DAB1: variants seen among roughly 807,000 people sequenced by gnomAD.
DAB1 encodes the protein disabled homolog 1.
Under a neutral mutation model 64.6 loss-of-function variants are expected in DAB1, and 15 were observed. The observed-to-expected ratio is 0.23, with a 90% CI of 0.16 to 0.36. The LOEUF (loss-of-function observed/expected upper bound fraction) is 0.36, where lower values mean the gene tolerates loss of function less well. Ranked by LOEUF, DAB1 falls within the 10% of genes least tolerant of loss-of-function variation. The probability of loss-of-function intolerance (pLI) is 1.00; values close to 1 mark genes in which losing one functional copy is unlikely to be tolerated. For missense variants in DAB1, 596 were observed against 706.7 expected, an observed-to-expected ratio of 0.84 and a Z score of 1.78; for synonymous variants, 235 against 251.9, an observed-to-expected ratio of 0.93 and a Z score of 0.64.
intron 7 of DAB1, among the ~76,000 whole-genome samples, chr1:57,649,319 TA>T (rs982327918): frequency 1.3e-5 from 2 of 152,082 alleles, no homozygotes. Flanking sequence ...CAGGAAAACC[TA>T]AGGATCCTGA....
At chr1:57,183,182 C>A (rs534689227) in intron 2 of DAB1, among the ~76,000 whole-genome samples, 1 of 152,166 alleles carries the variant, frequency 6.6e-6, no homozygotes, top group African/African-American at 2.4e-5. Flanking sequence ...GAGCCTGAAA[C>A]TGACGGGGAA....
At chr1:57,315,108 G>T (rs1336559104) in intron 1 of DAB1, among the ~76,000 whole-genome samples, 1 of 152,042 alleles carries the variant, frequency 6.6e-6, no homozygotes, top group African/African-American at 2.4e-5. Flanking sequence ...TTCTGCTTCA[G>T]GGTCTTTGCA....
intron 5 of DAB1, among the ~76,000 whole-genome samples, chr1:58,041,420 G>A (rs1435143503): frequency 6.6e-6 from 1 of 152,118 alleles, no homozygotes; most frequent in Non-Finnish European, 1.5e-5. Flanking sequence ...TCTCATAAGA[G>A]CCAGGCTTAT....
chr1:58,234,090 A>G (rs1048005408), intron 4 of DAB1, among the ~76,000 whole-genome samples: 1 of 152,198 alleles, frequency 6.6e-6, no homozygotes, highest in Non-Finnish European at 1.5e-5. Context: ...ACATAATGAG[A>G]AAAATAAAGG....
chr1:57,664,763 T>C (rs1646426827), intron 6 of DAB1, among the ~76,000 whole-genome samples: 1 of 151,958 alleles, frequency 6.6e-6, no homozygotes, highest in Non-Finnish European at 1.5e-5. Context: ...AGCCATTAAG[T>C]GATAATAAAG....
chr1:58,495,109 G>A (rs555620179), intron 3 of DAB1, among the ~76,000 whole-genome samples: 36 of 152,276 alleles, frequency 2.4e-4, no homozygotes, highest in Admixed American at 2.2e-3. Flanking sequence ...ATGAGTTCAT[G>A]TCCTTTGTAG....
intron 3 of DAB1, among the ~76,000 whole-genome samples, chr1:58,352,920 T>A (rs1285050295): frequency 6.6e-6 from 1 of 152,130 alleles, no homozygotes; most frequent in Non-Finnish European, 1.5e-5. Flanking sequence ...AGACATTGAA[T>A]CTGCTGGTGC....
chr1:57,437,660 C>A (rs1685744955), intron 7 of DAB1, among the ~76,000 whole-genome samples: 1 of 152,134 alleles, frequency 6.6e-6, no homozygotes, highest in African/African-American at 2.4e-5. Flanking sequence ...TGAGACCATT[C>A]AATACATACA....
chr1:57,256,107 C>A (rs1343178974), intron 2 of DAB1, among the ~76,000 whole-genome samples: 1 of 152,118 alleles, frequency 6.6e-6, no homozygotes, highest in Non-Finnish European at 1.5e-5. Flanking sequence ...GATATTATCC[C>A]TTATTACTTT....
At chr1:57,428,182 A>T (rs1685362308), upstream of DAB1, among the ~76,000 whole-genome samples, 1 of 152,084 alleles carries the variant, frequency 6.6e-6, no homozygotes, top group South Asian at 2.1e-4. Flanking sequence ...AAAAAAAAAG[A>T]TCTACTCTCT....
chr1:57,498,273 C>T (rs1031073312), intron 7 of DAB1, among the ~76,000 whole-genome samples: 1 of 152,074 alleles, frequency 6.6e-6, no homozygotes, highest in Non-Finnish European at 1.5e-5. Context: ...GAAGGCTGTG[C>T]ATTGGAGATG....
chr1:57,431,781 A>ACTAATATC (rs755159543), intron 7 of DAB1, among the ~76,000 whole-genome samples: 235 of 152,258 alleles, frequency 1.5e-3, no homozygotes, highest in Middle Eastern at 0.01. Flanking sequence ...CATAAAGTGG[A>ACTAATATC]GCTTAAGGTG....
chr1:58,045,804 C>T (rs1647229924), intron 5 of DAB1, among the ~76,000 whole-genome samples: 1 of 116,754 alleles, frequency 8.6e-6, no homozygotes, highest in Admixed American at 8.4e-5. Context: ...CCCTTTGTTC[C>T]TTCTCTTTTT....
intron 3 of DAB1, among the ~76,000 whole-genome samples, chr1:58,499,545 TTCAG>T (rs1350411443): frequency 1.4e-5 from 2 of 140,002 alleles, no homozygotes; most frequent in African/African-American, 5.4e-5. Flanking sequence ...AGTATAAACT[TTCAG>T]TCAGGAAAAG....
chr1:57,887,375 G>A (rs1644239556), upstream of DAB1, among the ~76,000 whole-genome samples: 1 of 151,964 alleles, frequency 6.6e-6, no homozygotes. Flanking sequence ...TCTATTAAAT[G>A]AATAAATTGA....
intron 5 of DAB1, among the ~76,000 whole-genome samples, chr1:58,106,364 G>A (rs1307721086): frequency 6.6e-6 from 1 of 151,820 alleles, no homozygotes; most frequent in African/African-American, 2.4e-5. Flanking sequence ...AAAAGTTTTT[G>A]GTAGAGACAG....
At chr1:57,605,903 T>C (rs1472123589) in intron 7 of DAB1, 5 of 675,096 alleles carry the variant, frequency 7.4e-6, no homozygotes, top group Non-Finnish European at 1.4e-5. Flanking sequence ...CTGATGGAAG[T>C]AATCTGCTTA....
chr1:57,514,899 T>G (rs1381542503), intron 7 of DAB1, among the ~76,000 whole-genome samples: 1 of 152,222 alleles, frequency 6.6e-6, no homozygotes, highest in African/African-American at 2.4e-5. Context: ...TAAGGATTAA[T>G]GAGTAATTAT....
chr1:57,735,234 C>A (rs922178150), intron 6 of DAB1, among the ~76,000 whole-genome samples: 5 of 152,062 alleles, frequency 3.3e-5, no homozygotes, highest in Non-Finnish European at 5.9e-5. Flanking sequence ...ATTAAGGGAC[C>A]AAGTTTTTAC....
Sources: gnomAD v4.1 joint callset for allele counts (sites outside exome capture counted in the v4.1 genomes callset) on GRCh38, gnomAD v4.1.1 for gene constraint, MANE v1.5 for transcripts, NCBI Gene and HGNC (gene_info 2026-07-23, HGNC 2026-07-21) for gene names.